RPE65: variants seen among roughly 807,000 people sequenced by gnomAD.
RPE65 encodes retinoid isomerohydrolase RPE65.
A neutral mutation model predicts 68.5 loss-of-function variants in RPE65; 58 were observed. That is an observed-to-expected ratio of 0.85 (90% CI 0.69 to 1.05). The LOEUF is 1.05. Among genes scored for constraint, RPE65 ranks in the 50% least tolerant of loss-of-function variants. The pLI is 0.00. For synonymous variants in RPE65, 220 were observed against 222.2 expected (o/e 0.99, Z 0.09); for missense variants, 643 against 629.9 (o/e 1.02, Z -0.22).
At chr1:68,435,587 C>T (rs1443867558) in intron 10 of RPE65, among the ~76,000 whole-genome samples, 1 of 152,120 alleles carries the variant, frequency 6.6e-6, no homozygotes, top group Non-Finnish European at 1.5e-5. Context: ...CTACTTTTGC[C>T]TATGTTTCAA....
At chr1:68,441,828 A>G (rs1645904331) in intron 5 of RPE65, among the ~76,000 whole-genome samples, 1 of 152,192 alleles carries the variant, frequency 6.6e-6, no homozygotes, top group African/African-American at 2.4e-5. Context: ...TTTTTAAAGC[A>G]TAGGACATTT....
intron 10 of RPE65, among the ~76,000 whole-genome samples, chr1:68,433,355 G>T (rs1335718667): frequency 2.0e-5 from 3 of 152,214 alleles, no homozygotes; most frequent in Middle Eastern, 3.4e-3. Context: ...TAGGAGAGTG[G>T]TGATCTAGGA....
chr1:68,436,419 T>C (rs1645862953), intron 10 of RPE65, among the ~76,000 whole-genome samples: 1 of 151,748 alleles, frequency 6.6e-6, no homozygotes, highest in African/African-American at 2.4e-5. Context: ...TTATTCTTTT[T>C]TCTACAAGCT....
At chr1:68,430,443 T>A (rs1002315346) in intron 13 of RPE65, among the ~76,000 whole-genome samples, 2 of 152,344 alleles carry the variant, frequency 1.3e-5, no homozygotes, top group African/African-American at 4.8e-5. Context: ...ACTGGATATA[T>A]AAAATCATTT....
chr1:68,442,888 C>T (rs1186873055), intron 5 of RPE65, among the ~76,000 whole-genome samples: 1 of 152,130 alleles, frequency 6.6e-6, no homozygotes. Flanking sequence ...AGTAAATAGT[C>T]TGTTGAGAAT....
chr1:68,430,975 C>T lies in RPE65; in HGVS notation c.1450+90G>A, dbSNP rs138151609. On this transcript the variant is annotated intron_variant, in intron 13 of 13. Coordinates refer to ENST00000262340, the MANE Select transcript of RPE65 (RefSeq NM_000329.3). ...TATTAAGGATCGTTTTTGAGTATTA[C>T]GGAATAATCAACCTTACTCCTTTCC... is the stretch of plus-strand genomic sequence containing the variant. The T allele has an allele frequency of 4.2e-4, 417 of 981,862 alleles. No individual in the cohort carries two copies. The African/African-American group carries it at 5.1e-3, about 12-fold the overall frequency. The allele number at this position is 981,862 out of a possible 1,614,324, so 60.8% of individuals were successfully genotyped here.
intron 3 of RPE65, 140 bp from the exon 4 acceptor site, chr1:68,445,023 A>G: frequency 2.6e-6 from 2 of 774,968 alleles, no homozygotes; most frequent in Non-Finnish European, 4.4e-6. Context: ...GGGTTTTATT[A>G]GCTCACTTTC....
intron 6 of RPE65, among the ~76,000 whole-genome samples, chr1:68,440,313 G>A (rs772729477): frequency 6.6e-6 from 1 of 152,132 alleles, no homozygotes; most frequent in Non-Finnish European, 1.5e-5. Flanking sequence ...CATCAAGGTG[G>A]TGAACAATGA....
chr1:68,432,838 A>C (rs1645836535), intron 10 of RPE65, among the ~76,000 whole-genome samples: 1 of 152,198 alleles, frequency 6.6e-6, no homozygotes. Flanking sequence ...TCTAGTTGAA[A>C]GAAAACAATG....
chr1:68,442,073 T>G (rs1006445560), intron 5 of RPE65, among the ~76,000 whole-genome samples: 3 of 152,174 alleles, frequency 2.0e-5, no homozygotes, highest in African/African-American at 7.2e-5. Context: ...TTCAAGTGCT[T>G]AATAACACCA....
At chr1:68,444,468 T>A in intron 5 of RPE65, 63 bp downstream of exon 5, 6 of 1,585,426 alleles carry the variant, frequency 3.8e-6, no homozygotes, top group Non-Finnish European at 5.2e-6. Context: ...GAATAATTTA[T>A]GTTGAATTAA....
chr1:68,445,123 G>A (rs1013262813), intron 3 of RPE65, among the ~76,000 whole-genome samples: 3 of 152,114 alleles, frequency 2.0e-5, no homozygotes, highest in African/African-American at 7.2e-5. Context: ...GAGGTTCAGA[G>A]GAGTTAAGTG....
chr1:68,439,433 G>C (rs1425291299), intron 7 of RPE65, 110 bp from the exon 8 acceptor site: 2 of 1,549,486 alleles, frequency 1.3e-6, no homozygotes, highest in Non-Finnish European at 1.8e-6. Context: ...GTGCCTACAT[G>C]AAATTAATTA....
At chr1:68,434,229 C>T (rs72674310) in intron 10 of RPE65, among the ~76,000 whole-genome samples, 4,113 of 151,602 alleles carry the variant, frequency 0.027, 82 homozygotes, top group Middle Eastern at 0.062. Flanking sequence ...GATCTGAAAG[C>T]AGCAAAGAAG....
Position 68,442,412 on chromosome 1 carries a change from G to A in RPE65, c.496-1412C>T, listed in dbSNP as rs532387057. 9.5e-4 allele frequency among the ~76,000 whole-genome samples: 145 copies of A among 152,342 alleles called. 1 individual carries two copies. The highest frequency in any genetic ancestry group is 2.4e-3 in the African/African-American group (100 of 41,584). On this transcript the variant is annotated intron_variant, in intron 5 of 13. Transcript: ENST00000262340. ...AACCTGGCTGCCATGAAGGGCATGC[G>A]TAGAGGAGGCGAAATAAGAGTGGGC...
At chr1:68,438,734 C>T (rs1025141385) in intron 9 of RPE65, among the ~76,000 whole-genome samples, 4 of 152,116 alleles carry the variant, frequency 2.6e-5, no homozygotes, top group Non-Finnish European at 5.9e-5. Context: ...AGGTGGGGTT[C>T]ATGGACCCGA....
rs62635773 is a variant in RPE65 at position 68,431,536 on chromosome 1, G to T, written c.1178C>A (p.Ala393Glu). Residue 393 changes from alanine to glutamate, a missense_variant, in exon 11 of 14, where the codon GCA becomes GAA. Coordinates refer to ENST00000262340, the MANE Select transcript of RPE65 (RefSeq NM_000329.3). Reference sequence around the variant, plus strand: ...GATAGTCTCGTCACTGCACAGAATTGCAGTGGCAGTTGTATTGGGGAGCGT... The same window carrying T: ...GATAGTCTCGTCACTGCACAGAATTTCAGTGGCAGTTGTATTGGGGAGCGT... ...LVTLPNTTAT[A>E]ILCSDETIWL... 6.2e-7 allele frequency: 1 copy of T among 1,613,838 alleles called. No homozygotes were observed. Among genetic ancestry groups the T allele is most frequent in the Non-Finnish European group, 8.5e-7 (1 of 1,179,912 alleles).
Position 68,440,994 on chromosome 1 carries a change from G to C in RPE65, c.502C>G (p.Leu168Val), listed in dbSNP as rs1230865018. ...ETLETIKQVD[L>V]CNYVSVNGAT... ...CCATTGACAGAGACATAGTTGCAAA[G>C]ATCAACCTACGGAAGTAAAGTGAAT... The change falls in exon 6 of 14, where the codon CTT becomes GTT. Residue 168 changes from leucine to valine, a missense_variant. Transcript: ENST00000262340. 1.2e-6 allele frequency: 2 copies of C among 1,613,804 alleles called. No individual in the cohort carries two copies. Among genetic ancestry groups the C allele is most frequent in the Non-Finnish European group, 1.7e-6 (2 of 1,179,816 alleles).
chr1:68,438,405 C>G, intron 9 of RPE65, 89 bp from the exon 10 acceptor site: 2 of 1,473,642 alleles, frequency 1.4e-6, no homozygotes, highest in Admixed American at 3.6e-5. Flanking sequence ...CAAGTGCCTG[C>G]CTGTTCTTTA....
Sources: gnomAD v4.1 joint callset for allele counts (sites outside exome capture counted in the v4.1 genomes callset) on GRCh38, gnomAD v4.1.1 for gene constraint, MANE v1.5 for transcripts, NCBI Gene and HGNC (gene_info 2026-07-23, HGNC 2026-07-21) for gene names.